BBOF1: variants seen among roughly 807,000 people sequenced by gnomAD.
The protein encoded by BBOF1 is basal body-orientation factor 1.
BBOF1 carries 62 observed loss-of-function variants against 68.0 expected under a neutral mutation model. The observed-to-expected ratio is 0.91, with a 90% CI of 0.74 to 1.13. The LOEUF is 1.13. Among genes scored for constraint, BBOF1 ranks in the 50% most tolerant of loss-of-function variants. BBOF1 has a pLI of 0.00. For missense variants in BBOF1, 534 were observed against 600.1 expected (o/e 0.89, Z 1.15); for synonymous variants, 208 against 198.8 (o/e 1.05, Z -0.39).
chr14:74,057,450 C>A, intron 11 of BBOF1, 192 bp downstream of exon 11: 2 of 1,464,192 alleles, frequency 1.4e-6, no homozygotes, highest in South Asian at 1.4e-5. Flanking sequence ...TATACTAATG[C>A]AAATGCAAAT....
intron 6 of BBOF1, chr14:74,046,750 T>C (rs993766313): frequency 6.6e-6 from 1 of 152,632 alleles, no homozygotes; most frequent in African/African-American, 2.4e-5. Flanking sequence ...GATTCTTTGT[T>C]TTTGAGACAG....
chr14:74,076,229 G>A (rs1441334193), intron 9 of BBOF1, among the ~76,000 whole-genome samples: 2 of 152,162 alleles, frequency 1.3e-5, no homozygotes, highest in African/African-American at 4.8e-5. Context: ...ATATTGAAAT[G>A]CCATAGGTAC....
intron 4 of BBOF1, 99 bp downstream of exon 4, chr14:74,034,270 A>T (rs1020893937): frequency 3.5e-5 from 25 of 719,492 alleles, no homozygotes; most frequent in Middle Eastern, 3.4e-4. Flanking sequence ...ACGGCAAAGA[A>T]CTCTCTTTGA....
chr14:74,045,029 C>T (rs1264373039), intron 5 of BBOF1, among the ~76,000 whole-genome samples: 2 of 152,226 alleles, frequency 1.3e-5, no homozygotes, highest in South Asian at 2.1e-4. Context: ...CGAGCAGGCC[C>T]GGCCAACCTT....
intron 1 of BBOF1, among the ~76,000 whole-genome samples, chr14:74,020,122 A>G (rs1296334080): frequency 6.6e-6 from 1 of 152,262 alleles, no homozygotes; most frequent in African/African-American, 2.4e-5. Flanking sequence ...TAGTCTCATT[A>G]TCCAAAAATA....
At chr14:74,026,365 A>G (rs553623318) in intron 2 of BBOF1, among the ~76,000 whole-genome samples, 143 of 142,996 alleles carry the variant, frequency 1.0e-3, no homozygotes, top group Non-Finnish European at 1.9e-3. Context: ...TCATTTGAAC[A>G]CAGGAGGCGG....
At chr14:74,057,009 CATG>C (rs1315184318) in intron 10 of BBOF1, 29 bp downstream of exon 10, 1 of 1,599,090 alleles carries the variant, frequency 6.3e-7, no homozygotes. Flanking sequence ...AAGTAATAAA[CATG>C]AGCCCAACAC....
Position 74,055,605 on chromosome 14 carries a change from G to A in BBOF1, c.1308G>A (p.Val436=), listed in dbSNP as rs756421323. The A allele has an allele frequency of 3.1e-6, 5 of 1,613,134 alleles. No individual in the cohort carries two copies. The highest frequency in any genetic ancestry group is 2.7e-5 in the African/African-American group (2 of 74,864). The change falls in exon 9 of 12, where the codon GTG becomes GTA. Residue 436 remains valine, a synonymous_variant. Coordinates refer to ENST00000394009, the MANE Select transcript of BBOF1 (RefSeq NM_025057.3). ...AEKWTHIEGN[V]DIGDLTWEQK... ...TTAGGACACATATTGAAGGAAATGT[G>A]GATATTGGAGATTTGACCTGGGAGC...
At chr14:74,072,219 AG>A (rs747703965) in intron 9 of BBOF1, 1 of 1,614,226 alleles carries the variant, frequency 6.2e-7, no homozygotes, top group Non-Finnish European at 8.5e-7. Context: ...TTCTTTAATA[AG>A]TTGTTGATAG....
chr14:74,036,973 CTT>C (rs548819182), intron 4 of BBOF1, among the ~76,000 whole-genome samples: 4 of 104,370 alleles, frequency 3.8e-5, no homozygotes, highest in Non-Finnish European at 2.0e-5. Flanking sequence ...TTTCTTTTTT[CTT>C]TTTTTTTTTT....
downstream of BBOF1, among the ~76,000 whole-genome samples, chr14:74,070,477 C>T (rs942113197): frequency 1.3e-5 from 2 of 152,136 alleles, no homozygotes; most frequent in Non-Finnish European, 2.9e-5. Flanking sequence ...CGAGATCGCA[C>T]CACTGCTCTC....
chr14:74,069,115 T>C (rs1472101187), downstream of BBOF1: 20 of 1,113,854 alleles, frequency 1.8e-5, no homozygotes, highest in Non-Finnish European at 2.3e-5. Flanking sequence ...TTTTTTTTTT[T>C]TTTTTTTGAG....
At chr14:74,047,282 T>A (rs2059971828) in intron 6 of BBOF1, among the ~76,000 whole-genome samples, 1 of 152,158 alleles carries the variant, frequency 6.6e-6, no homozygotes, top group Non-Finnish European at 1.5e-5. Flanking sequence ...GGAACCTGGC[T>A]GCTTCCTTCT....
At chr14:74,044,063 T>C (rs1048391074) in intron 5 of BBOF1, among the ~76,000 whole-genome samples, 3 of 151,896 alleles carry the variant, frequency 2.0e-5, no homozygotes, top group Admixed American at 1.3e-4. Flanking sequence ...CTGGCCAACA[T>C]AGTGAAACCC....
chr14:74,066,111 A>G (rs1467180440), downstream of BBOF1: 1 of 154,294 alleles, frequency 6.5e-6, no homozygotes, highest in East Asian at 1.9e-4. Context: ...GTCACTTTCA[A>G]TAAATATTGG....
rs1033019758 is a variant in BBOF1 at position 74,071,821 on chromosome 14, C to T, written n.1380-6375C>T. ...AAATCTATGTAAAGGAAGAAGCAAC[C>T]TCCCATTCTGCGATCTTTGCCTCCC... On this transcript the variant is annotated intron_variant and non_coding_transcript_variant, in intron 9 of 12. Transcript: ENST00000492026. 4.5e-6 allele frequency: 7 copies of T among 1,540,484 alleles called. No homozygotes were observed. In the African/African-American group the frequency reaches 8.2e-5, roughly 18 times the overall value.
At chr14:74,051,863 C>G (rs1032866065) in intron 8 of BBOF1, among the ~76,000 whole-genome samples, 20 of 151,588 alleles carry the variant, frequency 1.3e-4, no homozygotes, top group Non-Finnish European at 2.8e-4. Context: ...ATTACAGGCA[C>G]GAGCCACCAT....
chr14:74,035,696 G>A (rs955666652), intron 4 of BBOF1, among the ~76,000 whole-genome samples: 1 of 144,176 alleles, frequency 6.9e-6, no homozygotes. Flanking sequence ...GCCTCCCAAA[G>A]TGCTTGGATT....
At chr14:74,038,585 A>C (rs570388530) in intron 4 of BBOF1, among the ~76,000 whole-genome samples, 10 of 152,346 alleles carry the variant, frequency 6.6e-5, no homozygotes, top group Admixed American at 2.6e-4. Flanking sequence ...ATGAATTTTA[A>C]ATTAGGAGGT....
Sources: gnomAD v4.1 joint callset for allele counts (sites outside exome capture counted in the v4.1 genomes callset) on GRCh38, gnomAD v4.1.1 for gene constraint, MANE v1.5 for transcripts, NCBI Gene and HGNC (gene_info 2026-07-23, HGNC 2026-07-21) for gene names.